The following AP5Z1 variants were observed in gnomAD, a reference collection of about 807,000 sequenced individuals.
AP5Z1 encodes AP-5 complex subunit zeta-1.
Under a neutral mutation model 83.0 loss-of-function variants are expected in AP5Z1, and 106 were observed. That is an observed-to-expected ratio of 1.28 (90% CI 1.09 to 1.50). The LOEUF (loss-of-function observed/expected upper bound fraction) is 1.50. AP5Z1 is among the 40% of genes most tolerant of loss of function. The pLI is 0.00. For synonymous variants in AP5Z1, 751 were observed against 514.1 expected, an observed-to-expected ratio of 1.46 and a Z score of -6.23; for missense variants, 1,565 against 1,094.2, an observed-to-expected ratio of 1.43 and a Z score of -6.07.
intron 1 of AP5Z1, among the ~76,000 whole-genome samples, chr7:4,779,568 C>G (rs978072614): frequency 1.3e-5 from 2 of 151,470 alleles, no homozygotes; most frequent in Non-Finnish European, 2.9e-5. Context: ...GATCTTCCAG[C>G]TCAAGCAGTT....
chr7:4,790,442 C>T lies in AP5Z1; in HGVS notation c.1806-17C>T. 6.2e-7 allele frequency: 1 copy of T among 1,612,998 alleles called. No homozygotes were observed. Among genetic ancestry groups the T allele is most frequent in the Non-Finnish European group, 8.5e-7 (1 of 1,179,864 alleles). On this transcript the variant is annotated splice_polypyrimidine_tract_variant and intron_variant, in intron 14 of 16. Coordinates refer to ENST00000649063, the MANE Select transcript of AP5Z1 (RefSeq NM_014855.3). ...TAGGTCTGCACAGAGCAGGCGTAGA[C>T]CCGGCTTTCTGGGCAGTGTGCTGAG...
chr7:4,791,558 T>C lies in AP5Z1; in HGVS notation c.*173T>C. On this transcript the variant is annotated 3_prime_UTR_variant, in exon 17 of 17. Coordinates refer to ENST00000649063, the MANE Select transcript of AP5Z1 (RefSeq NM_014855.3). The stretch of plus-strand genomic sequence containing the variant: ...GCGGGGCTGGCCCCCCTGCTCACCC[T>C]CTGGGCTTTGTCTCCGAGCCTTTTG... The C allele has an allele frequency of 1.0e-6, 1 of 985,026 alleles. No homozygotes were observed. Among genetic ancestry groups the C allele is most frequent in the Non-Finnish European group, 1.5e-6 (1 of 684,592 alleles). The allele number at this position is 985,026 out of a possible 1,614,324, so 61.0% of individuals were successfully genotyped here. A position where few individuals can be genotyped will look rare whatever the true frequency, so the allele number is the denominator to read the frequency against.
Position 4,781,130 on chromosome 7 carries a change from G to A in AP5Z1, c.42-45G>A, listed in dbSNP as rs769301563. 2.1e-5 allele frequency: 34 copies of A among 1,583,642 alleles called. No homozygotes were observed. In the South Asian group the frequency reaches 2.9e-4, roughly 13 times the overall value. ...CAAGGGTTATCCTTTTTTTGGTTCC[G>A]AGCAGCGAGTGCTTCTGGGTCCTGA... On this transcript the variant is annotated intron_variant, in intron 1 of 16. Transcript: ENST00000649063.
chr7:4,787,018 T>C (rs112711895), intron 10 of AP5Z1, among the ~76,000 whole-genome samples: 12,941 of 151,644 alleles, frequency 0.085, 1,268 homozygotes, highest in African/African-American at 0.24. Context: ...ATGATCCTCC[T>C]GCCTTGACCT....
chr7:4,781,116 CT>C lies in AP5Z1; in HGVS notation c.42-52del, dbSNP rs1385353117. ...GATTTTCCCTGCTCCAAGGGTTATC[CT>C]TTTTTTGGTTCCGAGCAGCGAGTGC... On this transcript the variant is annotated intron_variant, in intron 1 of 16. Transcript: ENST00000649063. 10 of 1,583,498 alleles carry C rather than the reference CT, an allele frequency of 6.3e-6. No homozygotes were observed. In the Admixed American group the frequency reaches 7.1e-5, roughly 11 times the overall value.
intron 14 of AP5Z1, 61 bp downstream of exon 14, chr7:4,789,990 T>TCCCCCCCC: frequency 1.4e-6 from 1 of 733,588 alleles, no homozygotes. Context: ...CTCCTCCCCC[T>TCCCCCCCC]CTCCCCTCCC....
At chr7:4,787,418 T>G (rs1205738280) in intron 10 of AP5Z1, among the ~76,000 whole-genome samples, 1 of 152,000 alleles carries the variant, frequency 6.6e-6, no homozygotes, top group Non-Finnish European at 1.5e-5. Context: ...CCTGGGAGGT[T>G]GAGGTTGCAG....
In AP5Z1 at chr7:4,787,750, G is replaced by A. The variant is rs1554258349; in HGVS notation, c.1428G>A (p.Leu476=). The A allele has an allele frequency of 6.5e-6, 10 of 1,542,866 alleles. No individual in the cohort carries two copies. Among genetic ancestry groups the A allele is most frequent in the Non-Finnish European group, 8.7e-6 (10 of 1,147,872 alleles). ...ACGCGCTGCTGGACCTGCCCTGCTT[G>A]ACGGCGGTGCTGGACCTGCAGCTCA... ...MLHALLDLPC[L]TAVLDLQLRS... The change falls in exon 11 of 17, where the codon TTG becomes TTA. Residue 476 remains leucine (L), a synonymous_variant. Coordinates refer to ENST00000649063, the MANE Select transcript of AP5Z1 (RefSeq NM_014855.3).
chr7:4,779,351 T>TAACAC (rs1562402927), intron 1 of AP5Z1, among the ~76,000 whole-genome samples: 2 of 145,880 alleles, frequency 1.4e-5, no homozygotes, highest in African/African-American at 5.1e-5. Context: ...ACATATAACA[T>TAACAC]GTTATATATC....
chr7:4,777,128 C>T (rs915629074), intron 1 of AP5Z1, among the ~76,000 whole-genome samples: 2 of 152,196 alleles, frequency 1.3e-5, no homozygotes, highest in African/African-American at 2.4e-5. Context: ...CATCTCCCAG[C>T]AGCTCAACAT....
chr7:4,784,816 G>C (rs1781488062), intron 6 of AP5Z1, 92 bp from the exon 7 acceptor site: 1 of 1,480,326 alleles, frequency 6.8e-7, no homozygotes, highest in Non-Finnish European at 9.1e-7. Context: ...GCTGCGGCCT[G>C]TGCTCTCCTC....
At position 4,788,849 on chromosome 7, in the gene AP5Z1, A is replaced by C; in HGVS notation, c.1605A>C (p.Pro535=). ...CACACTGTGTCCTCAGGTTGGCGCCACTCCACCAGCTGCTGCAGCCCATGG... is the reference window on the plus strand; with the variant it reads ...CACACTGTGTCCTCAGGTTGGCGCCCCTCCACCAGCTGCTGCAGCCCATGG... The part of the protein sequence containing the change: ...KASGATERLA[P]LHQLLQPMAG... Residue 535 remains proline (P), a synonymous_variant, in exon 13 of 17, where the codon CCA becomes CCC. Transcript: ENST00000649063. 1 of 1,606,520 alleles carries C rather than the reference A, an allele frequency of 6.2e-7. No individual in the cohort carries two copies. Among genetic ancestry groups the C allele is most frequent in the South Asian group, 1.1e-5 (1 of 90,460 alleles).
chr7:4,787,710 C>T lies in AP5Z1; in HGVS notation c.1388C>T (p.Ala463Val), dbSNP rs374115182. 1.6e-5 allele frequency: 25 copies of T among 1,551,100 alleles called. No homozygotes were observed. The highest frequency in any genetic ancestry group is 2.2e-5 in the Non-Finnish European group (25 of 1,148,978). Reference protein sequence around the residue: ...LLPALVDAGTALEMLHALLDL... With the variant: ...LLPALVDAGTVLEMLHALLDL... ...CCGGCCCTGGTGGACGCTGGCACAG[C>T]CCTGGAGATGCTGCACGCGCTGCTG... The change falls in exon 11 of 17, where the codon GCC (alanine) becomes GTC (valine). Residue 463 changes from alanine (A) to valine (V), a missense_variant. Ala to Val is a moderately conservative substitution (Grantham distance 64, BLOSUM62 0). Transcript: ENST00000649063.
At chr7:4,777,294 C>T (rs1781253616) in intron 1 of AP5Z1, among the ~76,000 whole-genome samples, 1 of 152,172 alleles carries the variant, frequency 6.6e-6, no homozygotes, top group African/African-American at 2.4e-5. Context: ...ACTTCATTCC[C>T]AGTCACATTC....
At chr7:4,780,929 T>C (rs566852576) in intron 1 of AP5Z1, among the ~76,000 whole-genome samples, 4 of 152,260 alleles carry the variant, frequency 2.6e-5, no homozygotes, top group Admixed American at 2.0e-4. Flanking sequence ...TCTAAGTGCA[T>C]GGGGCCTCCG....
chr7:4,789,830 A>C lies in AP5Z1; in HGVS notation c.1708-2A>C. 1 of 1,550,602 alleles carries C rather than the reference A, an allele frequency of 6.4e-7. No individual in the cohort carries two copies. The highest frequency in any genetic ancestry group is 8.7e-7 in the Non-Finnish European group (1 of 1,147,098). The stretch of plus-strand genomic sequence containing the variant: ...AGCCTGTTTCCCACTCCTGACCCCC[A>C]GGTGGCTGACGGGTCCCTGATCAAC... On this transcript the variant is annotated splice_acceptor_variant, in intron 13 of 16. Coordinates refer to ENST00000649063, the MANE Select transcript of AP5Z1 (RefSeq NM_014855.3). LOFTEE classifies it high-confidence loss of function.
Position 4,776,689 on chromosome 7 carries a change from G to A in AP5Z1, c.41+933G>A, listed in dbSNP as rs142867184. 6.0e-3 allele frequency among the ~76,000 whole-genome samples: 909 copies of A among 152,004 alleles called. 10 individuals are homozygous for A. Among genetic ancestry groups the A allele is most frequent in the African/African-American group, 0.021 (876 of 41,470 alleles). On this transcript the variant is annotated intron_variant, in intron 1 of 16. Transcript: ENST00000649063. ...GGTGGAGGTTACAGTGAGCTGAGAT[G>A]GCGCCACTGCACTCCAGGCTGGGGG...
Position 4,791,290 on chromosome 7 carries a change from C to G in AP5Z1, c.2329C>G (p.Pro777Ala). 1 of 1,612,580 alleles carries G rather than the reference C, an allele frequency of 6.2e-7. No individual in the cohort carries two copies. Among genetic ancestry groups the G allele is most frequent in the Non-Finnish European group, 8.5e-7 (1 of 1,179,822 alleles). The change falls in exon 17 of 17, where the codon CCC becomes GCC. Residue 777 changes from proline to alanine, a missense_variant. Transcript: ENST00000649063. ...VLTPSTEVCS[P>A]RYHRDANTAL... is the part of the protein sequence containing the mutation. ...CACACCCAGCACGGAGGTGTGCAGC[C>G]CCCGCTATCACCGCGATGCCAACAC...
intron 4 of AP5Z1, 53 bp from the exon 5 acceptor site, chr7:4,783,636 C>A: frequency 6.6e-7 from 1 of 1,521,716 alleles, no homozygotes; most frequent in Non-Finnish European, 8.9e-7. Context: ...CCCAACAACC[C>A]AGGCATCTGT....
Sources: allele counts gnomAD v4.1 joint callset (sites outside exome capture counted in the v4.1 genomes callset), GRCh38; gene constraint gnomAD v4.1.1; transcripts MANE v1.5; gene names NCBI Gene and HGNC (gene_info 2026-07-23, HGNC 2026-07-21).